TTC29: variants seen among roughly 807,000 people sequenced by gnomAD.
TTC29 encodes the protein tetratricopeptide repeat protein 29.
TTC29 carries 49 observed loss-of-function variants against 58.1 expected under a neutral mutation model. That is an observed-to-expected ratio of 0.84 (90% CI 0.67 to 1.07). TTC29 has a LOEUF of 1.07. Ranked by LOEUF, TTC29 falls within the 50% of genes least tolerant of loss-of-function variation. The pLI, the probability that TTC29 is intolerant of heterozygous loss-of-function variation, is 0.00. For synonymous variants in TTC29, 209 were observed against 196.8 expected, an observed-to-expected ratio of 1.06 and a Z score of -0.52; for missense variants, 582 against 555.6, an observed-to-expected ratio of 1.05 and a Z score of -0.48.
Position 146,862,729 on chromosome 4 carries a change from A to G in TTC29, c.885+4769T>C, listed in dbSNP as rs529573972. ...AAAGTCCCAGGCTTTTCCCAACTGC[A>G]AAGGCTACTGGATGATAGCAGTGAG... On this transcript the variant is annotated intron_variant, in intron 8 of 12. Coordinates refer to ENST00000325106, the MANE Select transcript of TTC29 (RefSeq NM_031956.4). Among the ~76,000 whole-genome samples, 4 of 152,314 alleles carry G rather than the reference A, an allele frequency of 2.6e-5. No individual in the cohort carries two copies. The East Asian group carries it at 7.7e-4, about 29-fold the overall frequency.
At chr4:146,885,790 AC>A (rs1731943386) in intron 6 of TTC29, among the ~76,000 whole-genome samples, 1 of 152,110 alleles carries the variant, frequency 6.6e-6, no homozygotes, top group Non-Finnish European at 1.5e-5. Context: ...ACTTTCCAAA[AC>A]CATTTAAATG....
chr4:146,916,383 T>C (rs554832861), intron 4 of TTC29, among the ~76,000 whole-genome samples: 8 of 151,742 alleles, frequency 5.3e-5, no homozygotes, highest in African/African-American at 1.9e-4. Context: ...GTGTTTAAAA[T>C]GACTTTTTAC....
chr4:146,821,989 T>TG (rs1751869041), intron 9 of TTC29, among the ~76,000 whole-genome samples: 1 of 133,580 alleles, frequency 7.5e-6, no homozygotes, highest in Non-Finnish European at 1.6e-5. Context: ...TCTAGTGTTT[T>TG]TTTTTTTTTT....
At chr4:146,919,182 A>G (rs1305614539) in intron 4 of TTC29, among the ~76,000 whole-genome samples, 1 of 151,144 alleles carries the variant, frequency 6.6e-6, no homozygotes, top group Admixed American at 6.6e-5. Flanking sequence ...TTTCAGGGAC[A>G]GTATTTTCAA....
chr4:146,729,686 T>C (rs1341079909), intron 11 of TTC29, among the ~76,000 whole-genome samples: 1 of 152,112 alleles, frequency 6.6e-6, no homozygotes, highest in Non-Finnish European at 1.5e-5. Context: ...CTGACAGTTC[T>C]ACAGGGTTGG....
intron 11 of TTC29, among the ~76,000 whole-genome samples, chr4:146,712,398 A>G (rs140667311): frequency 6.6e-5 from 10 of 152,256 alleles, no homozygotes; most frequent in Non-Finnish European, 7.4e-5. Flanking sequence ...CTGTGTTCCC[A>G]GGAGTGATGA....
intron 9 of TTC29, chr4:146,831,769 A>G (rs1488290885): frequency 2.2e-6 from 1 of 447,920 alleles, no homozygotes; most frequent in Admixed American, 2.4e-5. Flanking sequence ...AAGAGGTGAG[A>G]ATTATTTGAA....
chr4:146,860,232 T>C (rs1241750191), intron 8 of TTC29, among the ~76,000 whole-genome samples: 2 of 152,148 alleles, frequency 1.3e-5, no homozygotes, highest in African/African-American at 2.4e-5. Flanking sequence ...CAAAACTTTC[T>C]GTCAGCTAAA....
At chr4:146,794,177 G>A (rs999149840) in intron 11 of TTC29, among the ~76,000 whole-genome samples, 6 of 152,066 alleles carry the variant, frequency 3.9e-5, no homozygotes, top group African/African-American at 1.4e-4. Context: ...CCTGGATAAA[G>A]GTGAGTGGAC....
chr4:146,802,299 G>A (rs936339092), intron 11 of TTC29, among the ~76,000 whole-genome samples: 1 of 152,094 alleles, frequency 6.6e-6, no homozygotes, highest in Admixed American at 6.5e-5. Flanking sequence ...TCTCAAATAC[G>A]TGATGACAAG....
intron 11 of TTC29, among the ~76,000 whole-genome samples, chr4:146,761,679 T>C (rs1746914206): frequency 1.3e-5 from 2 of 151,218 alleles, no homozygotes; most frequent in African/African-American, 2.4e-5. Flanking sequence ...GTTTTTTTTT[T>C]TTTTTTTGTA....
At chr4:146,714,514 T>C (rs1194764913) in intron 11 of TTC29, among the ~76,000 whole-genome samples, 1 of 151,730 alleles carries the variant, frequency 6.6e-6, no homozygotes, top group Non-Finnish European at 1.5e-5. Context: ...CAGAAAATTT[T>C]CTAAAATTGC....
intron 9 of TTC29, among the ~76,000 whole-genome samples, chr4:146,824,313 G>C (rs773339664): frequency 2.0e-5 from 3 of 152,104 alleles, no homozygotes; most frequent in African/African-American, 2.4e-5. Context: ...TAACATGAAG[G>C]GGTGTTGTAT....
At chr4:146,867,657 T>C (rs1410430418) in intron 7 of TTC29, 74 bp from the exon 8 acceptor site, 2 of 688,958 alleles carry the variant, frequency 2.9e-6, no homozygotes, top group Non-Finnish European at 4.7e-6. Context: ...TCCTTGCTTT[T>C]CAAGACAGTA....
At chr4:146,770,180 G>A (rs1747626059) in intron 11 of TTC29, among the ~76,000 whole-genome samples, 1 of 151,918 alleles carries the variant, frequency 6.6e-6, no homozygotes, top group South Asian at 2.1e-4. Flanking sequence ...TCCCTGGTGT[G>A]AGGTCTCTGC....
chr4:146,905,012 A>T (rs1409275111), intron 5 of TTC29, among the ~76,000 whole-genome samples: 2 of 152,322 alleles, frequency 1.3e-5, no homozygotes, highest in East Asian at 3.9e-4. Flanking sequence ...AAAACAAAAT[A>T]AAAAGGTCTC....
intron 11 of TTC29, among the ~76,000 whole-genome samples, chr4:146,794,816 C>T (rs916231089): frequency 6.6e-6 from 1 of 151,890 alleles, no homozygotes; most frequent in East Asian, 1.9e-4. Flanking sequence ...ATTTTAAGTT[C>T]CAGGGTACAC....
chr4:146,804,024 T>C (rs1579712060), intron 10 of TTC29, among the ~76,000 whole-genome samples: 1 of 152,220 alleles, frequency 6.6e-6, no homozygotes, highest in East Asian at 1.9e-4. Flanking sequence ...GCAGGTGATT[T>C]CTGCATTTCC....
At chr4:146,892,968 T>C (rs539031174) in intron 6 of TTC29, among the ~76,000 whole-genome samples, 147 of 152,178 alleles carry the variant, frequency 9.7e-4, no homozygotes, top group Admixed American at 1.6e-3. Flanking sequence ...GAATCCAACT[T>C]AGAAGGGACA....
Sources: gnomAD v4.1 joint callset for allele counts (sites outside exome capture counted in the v4.1 genomes callset) on GRCh38, gnomAD v4.1.1 for gene constraint, MANE v1.5 for transcripts, NCBI Gene and HGNC (gene_info 2026-07-23, HGNC 2026-07-21) for gene names.